Variants in NOS2 observed in about 807,000 individuals in gnomAD.
NOS2 encodes the protein nitric oxide synthase 2, also known as nitric oxide synthase, inducible.
Under a neutral mutation model 136.0 loss-of-function variants are expected in NOS2, and 96 were observed. The observed-to-expected ratio is 0.71, with a 90% CI of 0.60 to 0.84. NOS2 has a LOEUF of 0.84. Ranked by LOEUF, NOS2 falls within the 40% of genes least tolerant of loss-of-function variation. The pLI is 0.00. For synonymous variants in NOS2, 539 were observed against 587.5 expected (o/e 0.92, Z 1.20); for missense variants, 1,237 against 1,496.9 (o/e 0.83, Z 2.87).
intron 2 of NOS2, among the ~76,000 whole-genome samples, chr17:27,790,856 C>A (rs1909163640): frequency 6.6e-6 from 1 of 152,184 alleles, no homozygotes; most frequent in Non-Finnish European, 1.5e-5. Flanking sequence ...ACACATGCCT[C>A]CCCTAGGAAG....
In NOS2 at chr17:27,797,545, G is replaced by A. The variant is rs144754956; in HGVS notation, c.110+1155C>T. Among the ~76,000 whole-genome samples the A allele has an allele frequency of 3.4e-3, 514 of 152,306 alleles. 2 individuals are homozygous for A. Among genetic ancestry groups the A allele is most frequent in the African/African-American group, 4.2e-3 (176 of 41,572 alleles). ...CTCTTAGCCACTGGCATTTTTTGCC[G>A]CCTCTGACAGATACACTCAGGGCCG... On this transcript the variant is annotated intron_variant, in intron 2 of 26. Coordinates refer to ENST00000313735, the MANE Select transcript of NOS2 (RefSeq NM_000625.4).
chr17:27,789,800 G>A (rs1909136757), intron 2 of NOS2, 112 bp from the exon 3 acceptor site: 2 of 723,864 alleles, frequency 2.8e-6, no homozygotes, highest in Non-Finnish European at 4.9e-6. Flanking sequence ...AGTCCAGAGG[G>A]TGGGAGTGAA....
chr17:27,771,859 G>A (rs1908506363), intron 14 of NOS2, among the ~76,000 whole-genome samples: 1 of 152,250 alleles, frequency 6.6e-6, no homozygotes, highest in South Asian at 2.1e-4. Context: ...GGCTGGTCCA[G>A]CACGTGGCCA....
chr17:27,759,951 G>T, intron 25 of NOS2, 79 bp downstream of exon 25: 1 of 1,384,610 alleles, frequency 7.2e-7, no homozygotes, highest in Non-Finnish European at 9.6e-7. Flanking sequence ...GCTCGGGGAG[G>T]CGAGGGGCCT....
intron 12 of NOS2, among the ~76,000 whole-genome samples, chr17:27,773,562 T>C (rs1908567416): frequency 1.3e-5 from 2 of 152,154 alleles, no homozygotes; most frequent in South Asian, 4.1e-4. Context: ...GATGACATAA[T>C]GTACAGTCCC....
chr17:27,790,216 C>G (rs546833725), intron 2 of NOS2, among the ~76,000 whole-genome samples: 12 of 152,348 alleles, frequency 7.9e-5, no homozygotes, highest in African/African-American at 2.6e-4. Flanking sequence ...ACCTCAGCCT[C>G]TTGGGTAGCT....
At chr17:27,757,407 T>C (rs771183885) in intron 26 of NOS2, 54 bp from the exon 27 acceptor site, 132 of 1,517,638 alleles carry the variant, frequency 8.7e-5, no homozygotes, top group Non-Finnish European at 1.1e-4. Context: ...GATGAGCCCC[T>C]GGGGTTGCCC....
chr17:27,769,593 A>T lies in NOS2; in HGVS notation c.1810-9T>A, dbSNP rs1189277093. 1.9e-6 allele frequency: 3 copies of T among 1,609,814 alleles called. No homozygotes were observed. Among genetic ancestry groups the T allele is most frequent in the South Asian group, 1.1e-5 (1 of 91,012 alleles). On this transcript the variant is annotated splice_polypyrimidine_tract_variant and intron_variant, in intron 15 of 26. Transcript: ENST00000313735. The stretch of plus-strand genomic sequence containing the variant: ...AGCGATTTCTTCAGTTTCTAGAAAG[A>T]GAGGGAATGACAGAGTTCTCAAGCC...
intron 4 of NOS2, among the ~76,000 whole-genome samples, chr17:27,788,297 G>C (rs1277709247): frequency 6.6e-6 from 1 of 152,102 alleles, no homozygotes; most frequent in Non-Finnish European, 1.5e-5. Context: ...TCATGGTCCT[G>C]AAATTGTCCA....
intron 2 of NOS2, chr17:27,793,640 G>A: frequency 2.5e-6 from 1 of 397,394 alleles, no homozygotes; most frequent in Non-Finnish European, 4.4e-6. Flanking sequence ...CTGCAGAGCA[G>A]CCTGCACAGC....
At chr17:27,771,075 T>G in intron 14 of NOS2, 58 bp from the exon 15 acceptor site, 1 of 1,262,970 alleles carries the variant, frequency 7.9e-7, no homozygotes. Flanking sequence ...CTCCCTACCC[T>G]GCGCAGACAC....
Position 27,763,460 on chromosome 17 carries a change from C to T in NOS2, c.2593-455G>A, listed in dbSNP as rs569314272. On this transcript the variant is annotated intron_variant, in intron 21 of 26. Coordinates refer to ENST00000313735, the MANE Select transcript of NOS2 (RefSeq NM_000625.4). ...GTACATTGCAGCCACAAAATAATGG[C>T]GGTGGAGGTAGCTTAAATTGAGATA... 4.6e-5 allele frequency among the ~76,000 whole-genome samples: 7 copies of T among 152,192 alleles called. No individual in the cohort carries two copies. In the South Asian group the frequency reaches 6.2e-4, roughly 14 times the overall value.
intron 9 of NOS2, among the ~76,000 whole-genome samples, chr17:27,780,089 G>A (rs936082076): frequency 3.9e-5 from 6 of 152,292 alleles, no homozygotes; most frequent in African/African-American, 9.6e-5. Context: ...GGGTAAGGGG[G>A]CCTCCTCTAG....
At chr17:27,781,268 C>A in intron 7 of NOS2, 91 bp from the exon 8 acceptor site, 2 of 1,412,304 alleles carry the variant, frequency 1.4e-6, no homozygotes, top group African/African-American at 1.4e-5. Flanking sequence ...TCCACCCTAC[C>A]TGCTCTGCAG....
rs1379266879 is a variant in NOS2, at chr17:27,789,823, G to A, written c.111-135C>T. On this transcript the variant is annotated intron_variant, in intron 2 of 26. Transcript: ENST00000313735. ...GGGTGGGAGTGAATTGTTCATGGTC[G>A]GTCTGACCAACTGCCTCCCCATCCC... 2.9e-5 allele frequency: 18 copies of A among 616,634 alleles called. No individual in the cohort carries two copies. In the East Asian group the frequency reaches 4.1e-4, roughly 14 times the overall value. 38.2% of individuals were successfully genotyped at this position (616,634 alleles called of 1,614,324 possible).
chr17:27,795,159 G>A (rs28998814), intron 2 of NOS2, among the ~76,000 whole-genome samples: 39,906 of 152,114 alleles, frequency 0.26, 5,401 homozygotes, highest in Non-Finnish European at 0.29. Context: ...CCAAACCAGC[G>A]AGGAAGACAT....
Position 27,769,132 on chromosome 17 carries a change from C to T in NOS2, c.1879G>A (p.Gly627Ser), listed in dbSNP as rs200595665. 2.4e-5 allele frequency: 39 copies of T among 1,611,178 alleles called. No homozygotes were observed. The highest frequency in any genetic ancestry group is 3.2e-5 in the Non-Finnish European group (38 of 1,179,522). Residue 627 changes from glycine to serine, a missense_variant, in exon 17 of 27, where the codon GGC becomes AGC. Physicochemically the swap from Gly to Ser is moderately conservative, Grantham distance 56. Transcript: ENST00000313735. Reference protein sequence around the residue: ...NKFRYAVFGLGSSMYPRFCAF... With the variant: ...NKFRYAVFGLSSSMYPRFCAF... ...CAGAACCGAGGGTACATGCTGGAGCCGAGGCCAAACACAGCGTACCTGCCC... is the reference window on the plus strand; with the variant it reads ...CAGAACCGAGGGTACATGCTGGAGCTGAGGCCAAACACAGCGTACCTGCCC...
intron 6 of NOS2, 22 bp from the exon 7 acceptor site, chr17:27,782,128 A>G: frequency 4.3e-6 from 7 of 1,609,918 alleles, no homozygotes; most frequent in Non-Finnish European, 5.9e-6. Flanking sequence ...CATCCAGACC[A>G]TGCCCATCAA....
intron 21 of NOS2, 109 bp from the exon 22 acceptor site, chr17:27,763,114 C>G (rs1032305825): frequency 6.6e-6 from 5 of 758,692 alleles, no homozygotes; most frequent in African/African-American, 3.5e-5. Flanking sequence ...ACAAACAAGT[C>G]CATGTGCCAG....
Sources: gnomAD v4.1 joint callset for allele counts (sites outside exome capture counted in the v4.1 genomes callset) on GRCh38, gnomAD v4.1.1 for gene constraint, MANE v1.5 for transcripts, NCBI Gene and HGNC (gene_info 2026-07-23, HGNC 2026-07-21) for gene names.